PPFIA2: variants seen among roughly 807,000 people sequenced by gnomAD.
PPFIA2 encodes the protein PPFI scaffold protein A2.
In PPFIA2, 46 loss-of-function variants were observed where a neutral mutation model predicts 175.5. The observed-to-expected ratio is 0.26, with a 90% CI of 0.21 to 0.34. The LOEUF (loss-of-function observed/expected upper bound fraction) is 0.34, where lower values mean the gene tolerates loss of function less well. Ranked by LOEUF, PPFIA2 falls within the 10% of genes least tolerant of loss-of-function variation. The pLI, the probability that PPFIA2 is intolerant of heterozygous loss-of-function variation, is 1.00. For synonymous variants in PPFIA2, 568 were observed against 511.4 expected (o/e 1.11, Z -1.49); for missense variants, 1,179 against 1,506.1 (o/e 0.78, Z 3.60).
chr12:81,452,922 G>A (rs1007039451), intron 5 of PPFIA2, among the ~76,000 whole-genome samples: 1 of 151,734 alleles, frequency 6.6e-6, no homozygotes, highest in Non-Finnish European at 1.5e-5. Context: ...TTATAACTAG[G>A]TATTAATACT....
At chr12:81,612,657 T>C (rs2061043448) in intron 4 of PPFIA2, among the ~76,000 whole-genome samples, 1 of 152,178 alleles carries the variant, frequency 6.6e-6, no homozygotes, top group Non-Finnish European at 1.5e-5. Context: ...AAAAGGCATG[T>C]CAAAATTGAA....
chr12:81,376,727 T>G (rs2036453796), intron 9 of PPFIA2, among the ~76,000 whole-genome samples: 1 of 152,184 alleles, frequency 6.6e-6, no homozygotes, highest in African/African-American at 2.4e-5. Context: ...GAAAATCAAG[T>G]GCAGAAGTGA....
chr12:81,361,053 T>C (rs1202321430), intron 15 of PPFIA2, among the ~76,000 whole-genome samples: 2 of 151,694 alleles, frequency 1.3e-5, no homozygotes, highest in African/African-American at 4.8e-5. Flanking sequence ...GGTCTAGGGT[T>C]CCTTCCACTA....
chr12:81,325,175 A>C (rs1158540913), intron 22 of PPFIA2, among the ~76,000 whole-genome samples: 1 of 152,118 alleles, frequency 6.6e-6, no homozygotes, highest in Non-Finnish European at 1.5e-5. Flanking sequence ...TTTGTCAATG[A>C]AAATGTTACT....
chr12:81,650,290 T>C (rs2066840975), intron 4 of PPFIA2, among the ~76,000 whole-genome samples: 1 of 152,156 alleles, frequency 6.6e-6, no homozygotes, highest in South Asian at 2.1e-4. Context: ...ATTACAGGCG[T>C]GAGCCACCGA....
chr12:81,419,787 C>A (rs1487527266), intron 7 of PPFIA2, among the ~76,000 whole-genome samples: 1 of 152,012 alleles, frequency 6.6e-6, no homozygotes, highest in Non-Finnish European at 1.5e-5. Context: ...GTGGTTTGGC[C>A]ATGTGCATTT....
At chr12:81,571,423 C>G (rs1023745377) in intron 4 of PPFIA2, among the ~76,000 whole-genome samples, 2 of 152,100 alleles carry the variant, frequency 1.3e-5, no homozygotes, top group Admixed American at 1.3e-4. Flanking sequence ...TAGCTACCAG[C>G]AACGTAACCG....
chr12:81,671,372 T>G lies in PPFIA2; in HGVS notation c.303+5419A>C, dbSNP rs142305124. 4.2e-3 allele frequency among the ~76,000 whole-genome samples: 635 copies of G among 152,034 alleles called. 5 individuals are homozygous for G. The highest frequency in any genetic ancestry group is 0.014 in the African/African-American group (582 of 41,534). ...TACAGGCTTTTATTAACCATCTAATTTTTTTAAAAAATAATGTCAAGTTTC... is the reference window on the plus strand; with the variant it reads ...TACAGGCTTTTATTAACCATCTAATGTTTTTAAAAAATAATGTCAAGTTTC... On this transcript the variant is annotated intron_variant, in intron 4 of 32. Transcript: ENST00000549396.
intron 18 of PPFIA2, among the ~76,000 whole-genome samples, chr12:81,346,979 G>T (rs1265589798): frequency 6.6e-6 from 1 of 151,674 alleles, no homozygotes; most frequent in Non-Finnish European, 1.5e-5. Context: ...GCCCAGGCTG[G>T]AGTGCAGTGT....
chr12:81,576,103 T>C (rs2073487639), intron 4 of PPFIA2, among the ~76,000 whole-genome samples: 1 of 151,410 alleles, frequency 6.6e-6, no homozygotes, highest in Admixed American at 6.6e-5. Flanking sequence ...TTCCCTTCAG[T>C]TTTAAGTTCC....
chr12:81,321,340 G>A (rs1173335137), intron 22 of PPFIA2, among the ~76,000 whole-genome samples: 1 of 151,568 alleles, frequency 6.6e-6, no homozygotes, highest in East Asian at 1.9e-4. Flanking sequence ...ATATTCCAGG[G>A]GAGAAAAGTA....
intron 3 of PPFIA2, among the ~76,000 whole-genome samples, chr12:81,681,655 G>A (rs1010522721): frequency 1.3e-5 from 2 of 151,708 alleles, no homozygotes; most frequent in African/African-American, 4.8e-5. Context: ...TAATAATGTG[G>A]CTCTCAGTGT....
intron 20 of PPFIA2, 141 bp from the exon 21 acceptor site, chr12:81,339,475 A>G (rs1222790914): frequency 1.5e-6 from 1 of 678,698 alleles, no homozygotes; most frequent in East Asian, 3.5e-5. Context: ...TCCTTTTAAG[A>G]TATTAAATGC....
chr12:81,592,623 T>C (rs993666067), intron 4 of PPFIA2, among the ~76,000 whole-genome samples: 1 of 152,192 alleles, frequency 6.6e-6, no homozygotes, highest in Non-Finnish European at 1.5e-5. Context: ...TCTCTTTGCC[T>C]ACTGCCATCC....
In PPFIA2 at chr12:81,512,639, C is replaced by T. The variant is rs146362112; in HGVS notation, c.304-54773G>A. Among the ~76,000 whole-genome samples the T allele has an allele frequency of 1.4e-3, 216 of 151,972 alleles. 2 individuals carry two copies. The highest frequency in any genetic ancestry group is 4.3e-3 in the African/African-American group (180 of 41,486). On this transcript the variant is annotated intron_variant, in intron 4 of 32. Transcript: ENST00000549396. ...CTGAGATTTTGGTGCACCTGTCATT[C>T]GAGCAATATACTGTATACTCAATAT...
chr12:81,705,579 C>T (rs2077037883), intron 3 of PPFIA2, among the ~76,000 whole-genome samples: 1 of 151,688 alleles, frequency 6.6e-6, no homozygotes, highest in African/African-American at 2.4e-5. Context: ...AATCAATATA[C>T]ATTGCAACAG....
At chr12:81,549,944 T>A (rs970975883) in intron 4 of PPFIA2, among the ~76,000 whole-genome samples, 3 of 151,918 alleles carry the variant, frequency 2.0e-5, no homozygotes, top group Non-Finnish European at 4.4e-5. Flanking sequence ...ATAATTTTTA[T>A]CTTAGCAAAA....
At chr12:81,574,810 C>G (rs1371737540) in intron 4 of PPFIA2, among the ~76,000 whole-genome samples, 1 of 151,596 alleles carries the variant, frequency 6.6e-6, no homozygotes, top group African/African-American at 2.4e-5. Context: ...TATGGTTCAC[C>G]TTACTCTTAC....
At chr12:81,735,076 A>G (rs1311097843) in intron 3 of PPFIA2, among the ~76,000 whole-genome samples, 1 of 151,814 alleles carries the variant, frequency 6.6e-6, no homozygotes, top group Non-Finnish European at 1.5e-5. Context: ...GATATTTGTT[A>G]TTATGAATAA....
Sources: gnomAD v4.1 joint callset for allele counts (sites outside exome capture counted in the v4.1 genomes callset) on GRCh38, gnomAD v4.1.1 for gene constraint, MANE v1.5 for transcripts, NCBI Gene and HGNC (gene_info 2026-07-23, HGNC 2026-07-21) for gene names.